The following PCDHA2 variants were observed in gnomAD, a reference collection of about 807,000 sequenced individuals.
PCDHA2 encodes the protein protocadherin alpha-2.
PCDHA2 carries 58 observed loss-of-function variants against 66.0 expected under a neutral mutation model. The ratio of observed to expected loss-of-function variants is 0.88; its 90% confidence interval spans 0.71 to 1.09. PCDHA2 has a LOEUF of 1.09. Ranked by LOEUF, PCDHA2 falls within the 50% of genes least tolerant of loss-of-function variation. The pLI is 0.00. For synonymous variants in PCDHA2, 634 were observed against 554.0 expected, an observed-to-expected ratio of 1.14 and a Z score of -2.03; for missense variants, 1,267 against 1,242.3, an observed-to-expected ratio of 1.02 and a Z score of -0.30.
chr5:140,862,289 G>T (rs782742229), intron 1 of PCDHA2: 4 of 264,626 alleles, frequency 1.5e-5, no homozygotes, highest in Non-Finnish European at 3.0e-5. Context: ...TGTACAGGAG[G>T]ACGCTCCACT....
chr5:140,883,860 T>C, intron 1 of PCDHA2: 2 of 1,613,044 alleles, frequency 1.2e-6, no homozygotes, highest in Non-Finnish European at 1.7e-6. Flanking sequence ...CTGGAGCTGT[T>C]GCAGTTCCAG....
At chr5:140,847,637 AAAG>A (rs1781114479) in intron 1 of PCDHA2, 1 of 149,768 alleles carries the variant, frequency 6.7e-6, no homozygotes, top group Admixed American at 6.7e-5. Context: ...TGGAGACTAC[AAAG>A]AAGAGATTAT....
intron 1 of PCDHA2, among the ~76,000 whole-genome samples, chr5:140,879,081 T>C (rs1425343317): frequency 1.3e-5 from 2 of 152,084 alleles, no homozygotes; most frequent in African/African-American, 4.8e-5. Flanking sequence ...GAGAGATAAG[T>C]AGGAACAACT....
intron 1 of PCDHA2, chr5:140,825,445 T>C (rs1389110393): frequency 1.3e-5 from 2 of 148,158 alleles, no homozygotes; most frequent in Non-Finnish European, 3.0e-5. Context: ...AATAATAATA[T>C]ATATCAGATA....
chr5:140,882,094 C>T, intron 1 of PCDHA2: 1 of 1,172,684 alleles, frequency 8.5e-7, no homozygotes, highest in Non-Finnish European at 1.2e-6. Context: ...TCACTGAGAA[C>T]GTTTCCGCGA....
chr5:140,915,992 G>A (rs1437857401), intron 1 of PCDHA2, among the ~76,000 whole-genome samples: 2 of 152,134 alleles, frequency 1.3e-5, no homozygotes, highest in African/African-American at 4.8e-5. Context: ...GGCTAAGCTG[G>A]CACTCAAACC....
At chr5:140,814,360 C>T (rs1194896728) in intron 1 of PCDHA2, 2 of 151,764 alleles carry the variant, frequency 1.3e-5, no homozygotes, top group Non-Finnish European at 1.5e-5. Flanking sequence ...GTTACACATG[C>T]GATGCTATCA....
intron 1 of PCDHA2, among the ~76,000 whole-genome samples, chr5:140,915,139 G>C (rs2153533338): frequency 6.6e-6 from 1 of 151,944 alleles, no homozygotes; most frequent in Non-Finnish European, 1.5e-5. Flanking sequence ...AGTAGAGACG[G>C]GGTTTCACCA....
intron 1 of PCDHA2, chr5:140,852,727 G>C: frequency 1.0e-6 from 1 of 983,528 alleles, no homozygotes; most frequent in South Asian, 4.8e-5. Flanking sequence ...CGTTTTTCAA[G>C]TTTCATGTGC....
intron 1 of PCDHA2, chr5:140,830,507 A>G (rs1226848199): frequency 1.4e-6 from 2 of 1,423,508 alleles, no homozygotes; most frequent in Non-Finnish European, 1.9e-6. Context: ...TTCATAATTA[A>G]CAGTTAATTT....
At chr5:140,967,588 A>G (rs782208520) in intron 1 of PCDHA2, 7 of 1,614,116 alleles carry the variant, frequency 4.3e-6, no homozygotes, top group Non-Finnish European at 5.1e-6. Flanking sequence ...CCCCAGGCAC[A>G]TTGGTGGTGA....
intron 1 of PCDHA2, among the ~76,000 whole-genome samples, chr5:140,974,423 C>T (rs2096627451): frequency 6.6e-6 from 1 of 152,166 alleles, no homozygotes; most frequent in Non-Finnish European, 1.5e-5. Flanking sequence ...ATTTTACTTT[C>T]CTGGTTTGTA....
intron 1 of PCDHA2, chr5:140,930,374 C>G (rs549190703): frequency 6.6e-6 from 1 of 151,988 alleles, no homozygotes; most frequent in South Asian, 2.1e-4. Flanking sequence ...TGTTAGTGGC[C>G]CTTGGCATTT....
At position 140,850,247 on chromosome 5, in the gene PCDHA2, G is replaced by T; in HGVS notation, c.2388+52895G>T. On this transcript the variant is annotated intron_variant, in intron 1 of 3. Coordinates refer to ENST00000526136, the MANE Select transcript of PCDHA2 (RefSeq NM_018905.3). ...CAGTGAGCGAGATGGTGCTGCGGTC[G>T]GTGGGCGCCGGCGTAGTGGTGGGGA... is the stretch of plus-strand genomic sequence containing the variant. 10 of 1,593,682 alleles carry T rather than the reference G, an allele frequency of 6.3e-6. 1 individual carries two copies. Among genetic ancestry groups the T allele is most frequent in the Non-Finnish European group, 8.6e-6 (10 of 1,166,960 alleles).
chr5:140,946,613 T>A (rs1300820927), intron 1 of PCDHA2, among the ~76,000 whole-genome samples: 1 of 116,702 alleles, frequency 8.6e-6, no homozygotes, highest in South Asian at 2.6e-4. Context: ...AAATGTGAAA[T>A]ATATATATAT....
chr5:140,950,820 AG>A (rs1429119954), intron 1 of PCDHA2, among the ~76,000 whole-genome samples: 2 of 152,088 alleles, frequency 1.3e-5, no homozygotes, highest in Non-Finnish European at 2.9e-5. Context: ...GTAGGGTTAA[AG>A]TTTGGTCCTT....
intron 1 of PCDHA2, chr5:140,877,460 C>T: frequency 6.2e-7 from 1 of 1,613,840 alleles, no homozygotes; most frequent in Non-Finnish European, 8.5e-7. Context: ...ACGTCCACGG[C>T]CACGGTGCTG....
chr5:140,994,209 A>G (rs2097604620), intron 3 of PCDHA2, among the ~76,000 whole-genome samples: 1 of 152,142 alleles, frequency 6.6e-6, no homozygotes, highest in Non-Finnish European at 1.5e-5. Flanking sequence ...CCAGAATGGG[A>G]CCCAGGGTCT....
intron 1 of PCDHA2, chr5:140,877,544 C>A (rs782624202): frequency 6.2e-7 from 1 of 1,613,676 alleles, no homozygotes; most frequent in African/African-American, 1.3e-5. Context: ...GATCCCGAAG[C>A]GGCTCTGGTG....
Sources: allele counts gnomAD v4.1 joint callset (sites outside exome capture counted in the v4.1 genomes callset), GRCh38; gene constraint gnomAD v4.1.1; transcripts MANE v1.5; gene names NCBI Gene and HGNC (gene_info 2026-07-23, HGNC 2026-07-21).